STK3: variants seen among roughly 807,000 people sequenced by gnomAD.
STK3 encodes serine/threonine kinase 3.
STK3 carries 41 observed loss-of-function variants against 58.0 expected under a neutral mutation model. That is an observed-to-expected ratio of 0.71 (90% CI 0.55 to 0.92). The LOEUF is 0.92. STK3 is among the 40% of genes least tolerant of loss of function. The pLI, the probability that STK3 is intolerant of heterozygous loss-of-function variation, is 0.00. For missense variants in STK3, 479 were observed against 602.7 expected, an observed-to-expected ratio of 0.79 and a Z score of 2.15; for synonymous variants, 170 against 191.0, an observed-to-expected ratio of 0.89 and a Z score of 0.91.
chr8:98,939,439 C>A (rs1840317749), intron 1 of STK3, among the ~76,000 whole-genome samples: 1 of 152,216 alleles, frequency 6.6e-6, no homozygotes, highest in African/African-American at 2.4e-5. Context: ...CCAGATGATG[C>A]GAATGCTGTT....
At chr8:98,790,597 G>C (rs1268812897) in intron 1 of STK3, among the ~76,000 whole-genome samples, 1 of 152,178 alleles carries the variant, frequency 6.6e-6, no homozygotes, top group Non-Finnish European at 1.5e-5. Context: ...CTCCCTCTGA[G>C]AACTGGAACA....
At chr8:98,834,578 G>A (rs1004082585) in intron 3 of STK3, among the ~76,000 whole-genome samples, 3 of 152,208 alleles carry the variant, frequency 2.0e-5, no homozygotes, top group African/African-American at 7.2e-5. Context: ...CCAAGATCAA[G>A]GGCCTGGCAG....
At chr8:98,427,643 G>A (rs889470565) in intron 3 of STK3, 1 of 193,996 alleles carries the variant, frequency 5.2e-6, no homozygotes, top group Non-Finnish European at 1.0e-5. Flanking sequence ...CGTCTCCCGG[G>A]CCTGCCCATG....
At chr8:98,623,609 G>A (rs997630748) in intron 6 of STK3, among the ~76,000 whole-genome samples, 2 of 152,090 alleles carry the variant, frequency 1.3e-5, no homozygotes, top group African/African-American at 4.8e-5. Flanking sequence ...CGTAGCGACA[G>A]CCCGTCTCTA....
rs1554601957 is a variant in STK3 at position 98,491,195 on chromosome 8, G to GAGAC, written c.1318-35196_1318-35195insGTCT. On this transcript the variant is annotated intron_variant, in intron 10 of 10. Transcript: ENST00000419617. ...AGAGAGAGAGAGAGAGAGAGAGAGA[G>GAGAC]AGAGACAGAGAGAGAGAGAGAAGTA... 2.5e-3 allele frequency among the ~76,000 whole-genome samples: 373 copies of GAGAC among 148,664 alleles called. 1 individual carries two copies. Among genetic ancestry groups the GAGAC allele is most frequent in the African/African-American group, 9.0e-3 (362 of 40,244 alleles).
chr8:98,655,731 A>G (rs888970578), intron 6 of STK3, among the ~76,000 whole-genome samples: 3 of 152,248 alleles, frequency 2.0e-5, no homozygotes, highest in South Asian at 2.1e-4. Flanking sequence ...AAACACATGA[A>G]AAAATGCTCA....
chr8:98,502,352 C>G (rs1333153940), intron 10 of STK3, among the ~76,000 whole-genome samples: 1 of 152,186 alleles, frequency 6.6e-6, no homozygotes, highest in Admixed American at 6.5e-5. Flanking sequence ...CGTCTGCAAA[C>G]AGGGACAATT....
chr8:98,556,162 A>G (rs920035309), intron 8 of STK3, among the ~76,000 whole-genome samples: 2 of 152,088 alleles, frequency 1.3e-5, no homozygotes, highest in African/African-American at 2.4e-5. Context: ...TTTAGAATTT[A>G]TAACCATGGT....
downstream of STK3, chr8:98,401,288 A>G (rs1041080095): frequency 1.3e-5 from 2 of 152,130 alleles, no homozygotes; most frequent in African/African-American, 2.4e-5. Context: ...CTTTGCTGGG[A>G]CTCCAGCTGC....
chr8:98,429,764 C>A (rs111485107), intron 3 of STK3: 4 of 209,936 alleles, frequency 1.9e-5, no homozygotes, highest in Non-Finnish European at 4.2e-5. Context: ...TATGAGTTGT[C>A]GTGCTCCTGT....
chr8:98,379,568 C>G (rs1348541363), intron 1 of STK3, among the ~76,000 whole-genome samples: 1 of 152,208 alleles, frequency 6.6e-6, no homozygotes, highest in African/African-American at 2.4e-5. Flanking sequence ...CAACCCCACT[C>G]CTTCTTCAAG....
chr8:98,791,009 C>T (rs922892323), intron 1 of STK3, among the ~76,000 whole-genome samples: 2 of 150,740 alleles, frequency 1.3e-5, no homozygotes, highest in Admixed American at 6.6e-5. Flanking sequence ...GCATTCAAAT[C>T]GGTTAAGAGG....
intron 1 of STK3, among the ~76,000 whole-genome samples, chr8:98,813,375 T>C (rs896229408): frequency 9.2e-5 from 14 of 152,362 alleles, no homozygotes; most frequent in East Asian, 1.9e-4. Flanking sequence ...GATCTCATAG[T>C]GTATTTACTT....
intron 6 of STK3, among the ~76,000 whole-genome samples, chr8:98,698,269 G>A (rs1396386468): frequency 6.6e-6 from 1 of 151,270 alleles, no homozygotes; most frequent in South Asian, 2.1e-4. Flanking sequence ...CTGCACGTGA[G>A]ATGGGTTTCC....
Position 98,707,310 on chromosome 8 carries a change from A to G in STK3, c.353T>C (p.Leu118Ser). ...AATGGTTGCAATTTCATCTTCTATT[A>G]ACTGGAAAGAAATATTTTTAAAACC... is the stretch of plus-strand genomic sequence containing the variant. ...SDIIRLRNKT[L>S]IEDEIATILK... is the part of the protein sequence containing the mutation. Residue 118 changes from leucine (L) to serine (S), a missense_variant and splice_region_variant, in exon 5 of 11, where the codon TTA (leucine) becomes TCA (serine). This residue lies in a region of STK3 where 126 missense variants were observed against 210.1 expected (regional missense o/e 0.60). Transcript: ENST00000419617. 1.3e-6 allele frequency: 2 copies of G among 1,508,380 alleles called. No homozygotes were observed. Among genetic ancestry groups the G allele is most frequent in the African/African-American group, 1.4e-5 (1 of 71,188 alleles). The allele number at this position is 1,508,380 out of a possible 1,614,324, so 93.4% of individuals were successfully genotyped here. A position where few individuals can be genotyped will look rare whatever the true frequency, so the allele number is the denominator to read the frequency against.
intron 6 of STK3, among the ~76,000 whole-genome samples, chr8:98,626,778 T>C (rs1436788637): frequency 1.3e-5 from 2 of 152,080 alleles, no homozygotes; most frequent in African/African-American, 4.8e-5. Context: ...AATAAGAAAT[T>C]TTCTTGATCT....
Position 98,428,536 on chromosome 8 carries a change from G to C in STK3, n.483+5591C>G. On this transcript the variant is annotated intron_variant and non_coding_transcript_variant, in intron 3 of 3. Coordinates refer to the STK3 transcript ENST00000517832. The surrounding 1 kb of genome is among the most constrained non-coding windows in gnomAD (Gnocchi z 6.7). ...GACAACCCCGGCTACTCAGTGCTGA[G>C]CAGGGTCTTCAGCATCCTGTCCATC... 6.2e-7 allele frequency: 1 copy of C among 1,614,190 alleles called. No individual in the cohort carries two copies. Among genetic ancestry groups the C allele is most frequent in the Non-Finnish European group, 8.5e-7 (1 of 1,180,036 alleles).
At chr8:98,830,406 T>C (rs528260982), upstream of STK3, among the ~76,000 whole-genome samples, 15 of 152,238 alleles carry the variant, frequency 9.9e-5, no homozygotes, top group East Asian at 2.9e-3. Flanking sequence ...CAATAAGTGC[T>C]AAGGCCCAGA....
chr8:98,926,168 T>C (rs1017442168), intron 1 of STK3, among the ~76,000 whole-genome samples: 2 of 152,148 alleles, frequency 1.3e-5, no homozygotes, highest in Non-Finnish European at 2.9e-5. Flanking sequence ...TAACTTCAAA[T>C]TGCGCCTGAC....
Sources: allele counts gnomAD v4.1 joint callset (sites outside exome capture counted in the v4.1 genomes callset), GRCh38; gene constraint gnomAD v4.1.1; regional missense constraint gnomAD v4.1.1; non-coding constraint Gnocchi (gnomAD v3.1); transcripts MANE v1.5; gene names NCBI Gene and HGNC (gene_info 2026-07-23, HGNC 2026-07-21).